The following AFAP1L2 variants were observed in gnomAD, a reference collection of about 807,000 sequenced individuals.
AFAP1L2 encodes actin filament associated protein 1 like 2.
Under a neutral mutation model 99.3 loss-of-function variants are expected in AFAP1L2, and 46 were observed. The observed-to-expected ratio is 0.46, with a 90% confidence interval of 0.37 to 0.59. The LOEUF (loss-of-function observed/expected upper bound fraction) is 0.59. Among genes scored for constraint, AFAP1L2 ranks in the 20% least tolerant of loss-of-function variants. AFAP1L2 has a pLI of 0.00. For synonymous variants in AFAP1L2, 397 were observed against 419.1 expected (o/e 0.95, Z 0.64); for missense variants, 959 against 1,034.9 (o/e 0.93, Z 1.01).
chr10:114,288,828 C>G, the AFAP1L2 span: 5 of 1,133,596 alleles, frequency 4.4e-6, no homozygotes, highest in Non-Finnish European at 6.3e-6. Context: ...CTGCAGTGAA[C>G]AGAGCACCCT....
chr10:114,357,796 A>G (rs913428930), intron 1 of AFAP1L2, among the ~76,000 whole-genome samples: 11 of 152,254 alleles, frequency 7.2e-5, no homozygotes, highest in African/African-American at 2.4e-4. Flanking sequence ...AGAATCAGTG[A>G]CATTTTAGAA....
intron 1 of AFAP1L2, among the ~76,000 whole-genome samples, chr10:114,370,145 A>C (rs894782599): frequency 6.6e-6 from 1 of 152,162 alleles, no homozygotes; most frequent in Non-Finnish European, 1.5e-5. Flanking sequence ...AATTCACTTT[A>C]ATTCTCCTCT....
At position 114,313,543 on chromosome 10, in the gene AFAP1L2, C is replaced by A. The variant is rs141934475; in HGVS notation, c.792+328G>T. Among the ~76,000 whole-genome samples, 401 of 152,264 alleles carry A rather than the reference C, an allele frequency of 2.6e-3. 5 individuals carry two copies. Among genetic ancestry groups the A allele is most frequent in the African/African-American group, 9.0e-3 (375 of 41,536 alleles). ...AGTGTGGTTACGTGGGTTAAAGATG[C>A]TAATAGTCCTGGGTCTATGGCAAAT... On this transcript the variant is annotated intron_variant, in intron 7 of 18. Transcript: ENST00000304129.
rs1335195495 is a variant in AFAP1L2 at position 114,390,636 on chromosome 10, G to A, written c.16+13804C>T. On this transcript the variant is annotated intron_variant, in intron 1 of 18. Transcript: ENST00000304129. ...CTCAGGAGGCTGAGGTAGGAGAATC[G>A]CTTGAACCTGGGAGGCGGAGGTTGC... Among the ~76,000 whole-genome samples, 6 of 149,302 alleles carry A rather than the reference G, an allele frequency of 4.0e-5. No homozygotes were observed. In the Admixed American group the frequency reaches 4.1e-4, roughly 10 times the overall value.
At chr10:114,301,823 T>A (rs1483239507) in intron 12 of AFAP1L2, 1 of 314,372 alleles carries the variant, frequency 3.2e-6, no homozygotes. Flanking sequence ...ACACTTGGGG[T>A]GGCGCAGGCC....
chr10:114,310,731 GACCAGAGCC>G (rs1374577824), intron 7 of AFAP1L2, among the ~76,000 whole-genome samples: 1 of 152,104 alleles, frequency 6.6e-6, no homozygotes, highest in Admixed American at 6.5e-5. Context: ...GGCCAAAGAT[GACCAGAGCC>G]ACCAGCCCAG....
downstream of AFAP1L2, among the ~76,000 whole-genome samples, chr10:114,292,716 T>C (rs2039714681): frequency 6.6e-6 from 1 of 151,964 alleles, no homozygotes; most frequent in Non-Finnish European, 1.5e-5. Context: ...TCGTTTTTCT[T>C]TTTTTTGAGA....
chr10:114,372,692 TA>T (rs2054280045), intron 1 of AFAP1L2, among the ~76,000 whole-genome samples: 1 of 151,880 alleles, frequency 6.6e-6, no homozygotes, highest in Non-Finnish European at 1.5e-5. Flanking sequence ...TGTACATATA[TA>T]AAGCAACAAT....
At chr10:114,378,991 C>A (rs887256181) in intron 1 of AFAP1L2, among the ~76,000 whole-genome samples, 1 of 152,110 alleles carries the variant, frequency 6.6e-6, no homozygotes, top group African/African-American at 2.4e-5. Flanking sequence ...GCGGGCAGAT[C>A]GCCTGAGGTC....
At chr10:114,323,058 C>T (rs1465655951) in intron 5 of AFAP1L2, 113 bp downstream of exon 5, 1 of 950,082 alleles carries the variant, frequency 1.1e-6, no homozygotes. Flanking sequence ...CCCAGACTAC[C>T]CTCTGTCACC....
intron 1 of AFAP1L2, among the ~76,000 whole-genome samples, chr10:114,348,809 G>A (rs944926233): frequency 6.6e-6 from 1 of 152,186 alleles, no homozygotes; most frequent in East Asian, 1.9e-4. Flanking sequence ...CTCTGGGTGT[G>A]ACCTGGGGCA....
rs1395308878 is a variant in AFAP1L2 at position 114,300,350 on chromosome 10, A to G, written c.1801T>C (p.Leu601=). Residue 601 remains leucine, a synonymous_variant, in exon 15 of 19, where the codon TTG becomes CTG. Coordinates refer to ENST00000304129, the MANE Select transcript of AFAP1L2 (RefSeq NM_001001936.3). The part of the protein sequence containing the change: ...ENLGEQQLES[L]EPEDPSLRIT... The stretch of plus-strand genomic sequence containing the variant: ...CTCAGGGAAGGATCCTCTGGCTCCA[A>G]ACTCTCCAGCTGCTTTGGGGGAAAG... The G allele has an allele frequency of 1.9e-6, 3 of 1,614,056 alleles. No homozygotes were observed. The highest frequency in any genetic ancestry group is 2.5e-6 in the Non-Finnish European group (3 of 1,180,032).
Position 114,302,415 on chromosome 10 carries a change from G to GGTCT in AFAP1L2, c.1350_1353dup (p.Pro452ArgfsTer14). 6.2e-7 allele frequency: 1 copy of GGTCT among 1,614,086 alleles called. No individual in the cohort carries two copies. The highest frequency in any genetic ancestry group is 8.5e-7 in the Non-Finnish European group (1 of 1,180,012). Reference sequence around the variant, plus strand: ...ACATAGTCGTAGGTGAACTCTTCTGGGTCTGTCTTGGAGCCTGACTCAGAG... The same window carrying GGTCT: ...ACATAGTCGTAGGTGAACTCTTCTGGGTCTGTCTGTCTTGGAGCCTGACTCAGAG... On this transcript the variant is annotated frameshift_variant, in exon 12 of 19. Coordinates refer to ENST00000304129, the MANE Select transcript of AFAP1L2 (RefSeq NM_001001936.3). LOFTEE classifies it high-confidence loss of function.
intron 4 of AFAP1L2, among the ~76,000 whole-genome samples, chr10:114,328,785 A>G (rs2046813774): frequency 6.6e-6 from 1 of 152,104 alleles, no homozygotes. Flanking sequence ...TGATTCAACA[A>G]GAGAGGAGGC....
chr10:114,370,271 T>C (rs531785066), intron 1 of AFAP1L2, among the ~76,000 whole-genome samples: 2 of 152,334 alleles, frequency 1.3e-5, no homozygotes, highest in Admixed American at 1.3e-4. Flanking sequence ...TGCTGGTTGG[T>C]TGAAGGACTC....
rs749332743 is a variant in AFAP1L2, at chr10:114,333,227, C to G, written c.214G>C (p.Gly72Arg). 1 of 1,613,366 alleles carries G rather than the reference C, an allele frequency of 6.2e-7. No homozygotes were observed. Among genetic ancestry groups the G allele is most frequent in the South Asian group, 1.1e-5 (1 of 91,050 alleles). The change falls in exon 3 of 19, where the codon GGC (glycine) becomes CGC (arginine). Residue 72 changes from glycine (G) to arginine (R), a missense_variant. Transcript: ENST00000304129. ...AGTGATCCCAGCCTCATACCTTTGC[C>G]TTGAGACTCTGCATTCTGTTGCTTG... ...INKQQNAESQ[G>R]KAPEEQGLLP... is the part of the protein sequence containing the mutation.
At position 114,360,485 on chromosome 10, in the gene AFAP1L2, C is replaced by CTAGATAGATAGA. The variant is rs367617609; in HGVS notation, c.17-19766_17-19755dup. On this transcript the variant is annotated intron_variant, in intron 1 of 18. Coordinates refer to ENST00000304129, the MANE Select transcript of AFAP1L2 (RefSeq NM_001001936.3). ...GATAGATACCTCGATATCTCAATAT[C>CTAGATAGATAGA]TAGATAGATAGATAGATAGATAGTT... is the stretch of plus-strand genomic sequence containing the variant. 3.5e-3 allele frequency among the ~76,000 whole-genome samples: 436 copies of CTAGATAGATAGA among 124,452 alleles called. 5 individuals carry two copies. Among genetic ancestry groups the CTAGATAGATAGA allele is most frequent in the African/African-American group, 0.01 (367 of 36,416 alleles). 81.6% of individuals were successfully genotyped at this position (124,452 alleles called of 152,430 possible). A position where few individuals can be genotyped will look rare whatever the true frequency, so the allele number is the denominator to read the frequency against.
chr10:114,287,487 G>C, the AFAP1L2 span, among the ~76,000 whole-genome samples: 1 of 152,102 alleles, frequency 6.6e-6, no homozygotes, highest in African/African-American at 2.4e-5. Context: ...CCTTTATAGG[G>C]CTCCTGGAGT....
At chr10:114,308,826 T>G (rs1436142709) in intron 8 of AFAP1L2, among the ~76,000 whole-genome samples, 5 of 152,230 alleles carry the variant, frequency 3.3e-5, no homozygotes, top group African/African-American at 1.2e-4. Context: ...CCACTCATAC[T>G]GAGAGTGTGA....
Sources: gnomAD v4.1 joint callset for allele counts (sites outside exome capture counted in the v4.1 genomes callset) on GRCh38, gnomAD v4.1.1 for gene constraint, MANE v1.5 for transcripts, NCBI Gene and HGNC (gene_info 2026-07-23, HGNC 2026-07-21) for gene names.